NR3C2: variants seen among roughly 807,000 people sequenced by gnomAD.
NR3C2 encodes the protein nuclear receptor subfamily 3 group C member 2.
NR3C2 carries 15 observed loss-of-function variants against 86.4 expected under a neutral mutation model. That is an observed-to-expected ratio of 0.17 (90% confidence interval 0.12 to 0.27). NR3C2 has a LOEUF of 0.27. Ranked by LOEUF, NR3C2 falls within the 10% of genes least tolerant of loss-of-function variation. The pLI is 1.00. For synonymous variants in NR3C2, 458 were observed against 450.5 expected, an observed-to-expected ratio of 1.02 and a Z score of -0.21; for missense variants, 960 against 1,195.6, an observed-to-expected ratio of 0.80 and a Z score of 2.91.
rs114952817 is a variant in NR3C2 at position 148,128,202 on chromosome 4, C to T, written c.2511-7914G>A. 6.3e-3 allele frequency among the ~76,000 whole-genome samples: 955 copies of T among 152,216 alleles called. 10 individuals are homozygous for T. Among genetic ancestry groups the T allele is most frequent in the African/African-American group, 0.022 (899 of 41,508 alleles). On this transcript the variant is annotated intron_variant, in intron 6 of 8. Transcript: ENST00000358102. ...ACAACTGTTTTATCTACAGGACCCA[C>T]CCATGCTATCTTACCATCATTATGT...
intron 3 of NR3C2, among the ~76,000 whole-genome samples, chr4:148,235,121 G>GCTT (rs1283265182): frequency 6.6e-6 from 1 of 152,014 alleles, no homozygotes; most frequent in Non-Finnish European, 1.5e-5. Flanking sequence ...AATGTGTGGT[G>GCTT]CTTCCTTGGT....
chr4:148,432,848 T>G (rs1205859377), intron 2 of NR3C2, among the ~76,000 whole-genome samples: 1 of 152,198 alleles, frequency 6.6e-6, no homozygotes, highest in East Asian at 1.9e-4. Flanking sequence ...TTTACTCTGG[T>G]AATCATCAAA....
chr4:148,178,089 G>A (rs1417388610), intron 4 of NR3C2, among the ~76,000 whole-genome samples: 6 of 152,194 alleles, frequency 3.9e-5, no homozygotes, highest in South Asian at 2.1e-4. Context: ...TGTAATCCTA[G>A]CACTTTGAGA....
intron 6 of NR3C2, among the ~76,000 whole-genome samples, chr4:148,141,264 C>A (rs1277758428): frequency 1.3e-5 from 2 of 152,120 alleles, no homozygotes; most frequent in Non-Finnish European, 2.9e-5. Flanking sequence ...GAAACCCTGT[C>A]TCTACTAAAA....
chr4:148,441,059 T>C (rs1487124451), intron 1 of NR3C2, among the ~76,000 whole-genome samples: 2 of 152,202 alleles, frequency 1.3e-5, no homozygotes, highest in Non-Finnish European at 2.9e-5. Flanking sequence ...TCCTCTCTTT[T>C]ATAGATGAGG....
At chr4:148,387,524 T>A (rs1026649384) in intron 2 of NR3C2, among the ~76,000 whole-genome samples, 3 of 152,230 alleles carry the variant, frequency 2.0e-5, no homozygotes, top group Admixed American at 2.0e-4. Flanking sequence ...CACAACTGTA[T>A]ACTCTCAATT....
chr4:148,189,117 CG>C (rs1416934577), intron 4 of NR3C2, among the ~76,000 whole-genome samples: 1 of 151,874 alleles, frequency 6.6e-6, no homozygotes, highest in Non-Finnish European at 1.5e-5. Context: ...TTAGTAGAGA[CG>C]GGGTTTTGCC....
chr4:148,192,616 C>T lies in NR3C2; in HGVS notation c.2014+2130G>A, dbSNP rs555195904. Among the ~76,000 whole-genome samples, 60 of 151,232 alleles carry T rather than the reference C, an allele frequency of 4.0e-4. 1 individual carries two copies. The highest frequency in any genetic ancestry group is 1.4e-3 in the African/African-American group (57 of 41,106). The stretch of plus-strand genomic sequence containing the variant: ...ACCATCAGGTGGGGGTATGGCTAGG[C>T]ACGTCTGAGCTCAGACTCTCCTTGG... On this transcript the variant is annotated intron_variant, in intron 4 of 8. Transcript: ENST00000358102.
At chr4:148,169,644 T>C (rs1303758830) in intron 4 of NR3C2, among the ~76,000 whole-genome samples, 1 of 152,086 alleles carries the variant, frequency 6.6e-6, no homozygotes, top group Non-Finnish European at 1.5e-5. Flanking sequence ...ATAAAAGTAA[T>C]GGGATATAAC....
At chr4:148,112,354 T>TA (rs1732082654) in intron 8 of NR3C2, among the ~76,000 whole-genome samples, 1 of 152,208 alleles carries the variant, frequency 6.6e-6, no homozygotes, top group South Asian at 2.1e-4. Flanking sequence ...TAAGAGAACT[T>TA]ACGAAAGAAC....
chr4:148,360,454 A>G (rs1163889529), intron 2 of NR3C2, among the ~76,000 whole-genome samples: 1 of 152,202 alleles, frequency 6.6e-6, no homozygotes, highest in African/African-American at 2.4e-5. Flanking sequence ...TCTGTGTATT[A>G]AAGGCTCTTA....
intron 2 of NR3C2, among the ~76,000 whole-genome samples, chr4:148,344,639 C>T (rs1218542151): frequency 6.6e-6 from 1 of 152,158 alleles, no homozygotes; most frequent in African/African-American, 2.4e-5. Flanking sequence ...ATCTGTTTAC[C>T]TCCACTGCTT....
chr4:148,444,549 G>A (rs914164092), upstream of NR3C2: 12 of 987,702 alleles, frequency 1.2e-5, no homozygotes, highest in Middle Eastern at 5.1e-4. Context: ...TGGTGGGGAG[G>A]CTGGGGCGGG....
chr4:148,422,600 G>A (rs1036633037), intron 2 of NR3C2, among the ~76,000 whole-genome samples: 1 of 152,020 alleles, frequency 6.6e-6, no homozygotes, highest in African/African-American at 2.4e-5. Context: ...AGAGTACTGT[G>A]AATTCAAACA....
chr4:148,177,376 G>A (rs1735425910), intron 4 of NR3C2, among the ~76,000 whole-genome samples: 1 of 152,116 alleles, frequency 6.6e-6, no homozygotes, highest in South Asian at 2.1e-4. Context: ...TAAGACTGAA[G>A]GACTGTTAGC....
intron 3 of NR3C2, among the ~76,000 whole-genome samples, chr4:148,210,335 C>T (rs1284992631): frequency 6.6e-5 from 10 of 152,106 alleles, no homozygotes; most frequent in African/African-American, 1.7e-4. Context: ...GGAACACAGG[C>T]GCATGCCACC....
chr4:148,105,830 C>G (rs1208486677), intron 8 of NR3C2, among the ~76,000 whole-genome samples: 2 of 152,184 alleles, frequency 1.3e-5, no homozygotes, highest in East Asian at 3.8e-4. Context: ...TTCAACATCC[C>G]TTCATGTTAA....
chr4:148,411,789 T>C (rs1172008153), intron 2 of NR3C2, among the ~76,000 whole-genome samples: 2 of 152,230 alleles, frequency 1.3e-5, no homozygotes, highest in Non-Finnish European at 2.9e-5. Flanking sequence ...AGGCAAAATT[T>C]AGACTTCAGT....
intron 2 of NR3C2, among the ~76,000 whole-genome samples, chr4:148,416,256 T>C (rs16998733): frequency 0.81 from 123,783 of 152,130 alleles, 51,275 homozygotes; most frequent in Non-Finnish European, 0.88. Context: ...AACTTCCTGA[T>C]GACACACTCC....
Sources: gnomAD v4.1 joint callset for allele counts (sites outside exome capture counted in the v4.1 genomes callset) on GRCh38, gnomAD v4.1.1 for gene constraint, MANE v1.5 for transcripts, NCBI Gene and HGNC (gene_info 2026-07-23, HGNC 2026-07-21) for gene names.